Variants in RAB2A observed in about 807,000 individuals in gnomAD.
RAB2A encodes ras-related protein Rab-2A.
Under a neutral mutation model 32.5 loss-of-function variants are expected in RAB2A, and 7 were observed. The ratio of observed to expected loss-of-function variants is 0.22; its 90% CI spans 0.12 to 0.40. The LOEUF (loss-of-function observed/expected upper bound fraction) is 0.40, where lower values mean the gene tolerates loss of function less well. RAB2A is among the 10% of genes least tolerant of loss of function. The pLI, the probability that RAB2A is intolerant of heterozygous loss-of-function variation, is 1.00. For synonymous variants in RAB2A, 79 were observed against 85.2 expected (o/e 0.93, Z 0.40); for missense variants, 108 against 260.7 (o/e 0.41, Z 4.03).
intron 6 of RAB2A, among the ~76,000 whole-genome samples, chr8:60,613,643 C>T (rs983345348): frequency 6.6e-5 from 10 of 152,112 alleles, no homozygotes; most frequent in Non-Finnish European, 1.2e-4. Flanking sequence ...TAATTCTGTT[C>T]ATTTTAAAGG....
At chr8:60,547,821 G>A (rs1365290483) in intron 1 of RAB2A, among the ~76,000 whole-genome samples, 6 of 121,068 alleles carry the variant, frequency 5.0e-5, no homozygotes, top group African/African-American at 6.9e-5. Context: ...GCGGCTGGCC[G>A]GGCGGGGGGC....
chr8:60,517,111 T>A lies in RAB2A; in HGVS notation c.-97T>A. 7.8e-7 allele frequency: 1 copy of A among 1,287,480 alleles called. No individual in the cohort carries two copies. Among genetic ancestry groups the A allele is most frequent in the East Asian group, 3.1e-5 (1 of 31,996 alleles). The allele number at this position is 1,287,480 out of a possible 1,614,324, so 79.8% of individuals were successfully genotyped here. ...AGCAGCGGCGGCGGCGGGCGGCGCC[T>A]GGCGTTTCGAGGCTGAGCGGCACCG... On this transcript the variant is annotated 5_prime_UTR_variant, in exon 1 of 8. Coordinates refer to ENST00000262646, the MANE Select transcript of RAB2A (RefSeq NM_002865.3).
chr8:60,532,171 T>A (rs1807487244), intron 1 of RAB2A, among the ~76,000 whole-genome samples: 1 of 152,200 alleles, frequency 6.6e-6, no homozygotes, highest in Admixed American at 6.5e-5. Flanking sequence ...TCAGTCAATT[T>A]TGAACCCCTT....
chr8:60,540,719 T>A (rs78520366), intron 1 of RAB2A, among the ~76,000 whole-genome samples: 18,670 of 152,256 alleles, frequency 0.12, 1,542 homozygotes, highest in East Asian at 0.26. Flanking sequence ...TGACCTCAAG[T>A]GATCTGCCCA....
intron 1 of RAB2A, among the ~76,000 whole-genome samples, chr8:60,536,926 TC>T (rs922647012): frequency 6.6e-6 from 1 of 152,218 alleles, no homozygotes; most frequent in Non-Finnish European, 1.5e-5. Flanking sequence ...AACAAATGAT[TC>T]AGTCAGATTT....
chr8:60,614,872 A>G (rs1272277927), intron 6 of RAB2A, among the ~76,000 whole-genome samples: 1 of 152,188 alleles, frequency 6.6e-6, no homozygotes, highest in Admixed American at 6.5e-5. Context: ...GGCTAGTGGT[A>G]AAATGAGAGA....
chr8:60,614,453 C>T (rs1804415063), intron 6 of RAB2A, among the ~76,000 whole-genome samples: 1 of 152,000 alleles, frequency 6.6e-6, no homozygotes, highest in South Asian at 2.1e-4. Flanking sequence ...GGTCTTACTA[C>T]ATTGCCCAGG....
intron 2 of RAB2A, among the ~76,000 whole-genome samples, chr8:60,563,679 G>C (rs1808060821): frequency 6.6e-6 from 1 of 152,116 alleles, no homozygotes; most frequent in South Asian, 2.1e-4. Flanking sequence ...TCAGAATTTA[G>C]TTTCATGCAT....
chr8:60,585,897 C>G (rs763662940), intron 5 of RAB2A, among the ~76,000 whole-genome samples: 3 of 152,194 alleles, frequency 2.0e-5, no homozygotes, highest in Non-Finnish European at 4.4e-5. Flanking sequence ...GTCTGCATTT[C>G]CATGGACAGG....
At chr8:60,530,144 C>CTT (rs1270851648) in intron 1 of RAB2A, among the ~76,000 whole-genome samples, 207 of 104,128 alleles carry the variant, frequency 2.0e-3, no homozygotes, top group African/African-American at 4.9e-3. Context: ...ATTTTTTTTT[C>CTT]TTTTTTTTTT....
chr8:60,517,401 G>A, intron 1 of RAB2A, 148 bp downstream of exon 1: 1 of 756,088 alleles, frequency 1.3e-6, no homozygotes, highest in Non-Finnish European at 1.9e-6. Flanking sequence ...TGCTGGAGCT[G>A]GTGACGTGGG....
At chr8:60,580,414 A>AT (rs1410964453) in intron 3 of RAB2A, among the ~76,000 whole-genome samples, 1 of 151,828 alleles carries the variant, frequency 6.6e-6, no homozygotes, top group African/African-American at 2.4e-5. Flanking sequence ...AGAAGCCATA[A>AT]TAAAAAAAAA....
chr8:60,617,962 G>A (rs1287431106), intron 6 of RAB2A, among the ~76,000 whole-genome samples: 1 of 152,166 alleles, frequency 6.6e-6, no homozygotes, highest in African/African-American at 2.4e-5. Context: ...TCGTACAAAT[G>A]GAGTTGTAGT....
At chr8:60,610,015 T>C (rs1804311265) in intron 6 of RAB2A, among the ~76,000 whole-genome samples, 1 of 147,596 alleles carries the variant, frequency 6.8e-6, no homozygotes, top group Non-Finnish European at 1.5e-5. Flanking sequence ...TCTCATCAGG[T>C]GCTTCTTCCT....
chr8:60,520,417 ATACGAATC>A (rs1234456316), intron 1 of RAB2A, among the ~76,000 whole-genome samples: 1 of 152,236 alleles, frequency 6.6e-6, no homozygotes, highest in Non-Finnish European at 1.5e-5. Context: ...GAGAGAAAAA[ATACGAATC>A]TATAGTAATT....
chr8:60,517,289 G>A, intron 1 of RAB2A, 36 bp downstream of exon 1: 2 of 1,472,436 alleles, frequency 1.4e-6, no homozygotes, highest in Non-Finnish European at 9.0e-7. Flanking sequence ...GGGTGTCGGC[G>A]GCCTCCGGAC....
chr8:60,592,246 T>C (rs1586102631), intron 6 of RAB2A: 2 of 221,890 alleles, frequency 9.0e-6, no homozygotes, highest in East Asian at 9.8e-5. Context: ...CTGAGAGTTA[T>C]ATTTTAATCA....
At chr8:60,553,915 T>G (rs1807895442) in intron 1 of RAB2A, among the ~76,000 whole-genome samples, 1 of 152,198 alleles carries the variant, frequency 6.6e-6, no homozygotes, top group African/African-American at 2.4e-5. Context: ...AAAGCATGAA[T>G]TTAAATTTGC....
chr8:60,582,297 G>A (rs920122803), intron 3 of RAB2A, among the ~76,000 whole-genome samples: 2 of 152,102 alleles, frequency 1.3e-5, no homozygotes, highest in Non-Finnish European at 2.9e-5. Flanking sequence ...CCTTTTGTGT[G>A]ATGGCTTTCT....
Sources: gnomAD v4.1 joint callset for allele counts (sites outside exome capture counted in the v4.1 genomes callset) on GRCh38, gnomAD v4.1.1 for gene constraint, MANE v1.5 for transcripts, NCBI Gene and HGNC (gene_info 2026-07-23, HGNC 2026-07-21) for gene names.